The following NCKAP5 variants were observed in gnomAD, a reference collection of about 807,000 sequenced individuals.
The protein encoded by NCKAP5 is NCK associated protein 5, also known as nck-associated protein 5.
Under a neutral mutation model 167.0 loss-of-function variants are expected in NCKAP5, and 92 were observed. The observed-to-expected ratio is 0.55, with a 90% CI of 0.47 to 0.66. The LOEUF (loss-of-function observed/expected upper bound fraction) is 0.66, where lower values mean the gene tolerates loss of function less well. Among genes scored for constraint, NCKAP5 ranks in the 30% least tolerant of loss-of-function variants. The pLI is 0.00. For missense variants in NCKAP5, 2,378 were observed against 2,315.0 expected (o/e 1.03, Z -0.56); for synonymous variants, 891 against 877.4 (o/e 1.02, Z -0.27).
chr2:133,217,291 AGTGAACATGTCC>A (rs770131444), intron 4 of NCKAP5, among the ~76,000 whole-genome samples: 1 of 152,120 alleles, frequency 6.6e-6, no homozygotes, highest in Non-Finnish European at 1.5e-5. Context: ...ATAATCACAA[AGTGAACATGTCC>A]GTATTAGTCC....
At chr2:132,760,528 T>C (rs1680913606) in intron 16 of NCKAP5, among the ~76,000 whole-genome samples, 1 of 152,220 alleles carries the variant, frequency 6.6e-6, no homozygotes, top group Non-Finnish European at 1.5e-5. Flanking sequence ...CTATATTGGA[T>C]AATTCTCAGT....
chr2:132,812,209 C>T (rs996321293), intron 11 of NCKAP5, among the ~76,000 whole-genome samples: 1 of 152,192 alleles, frequency 6.6e-6, no homozygotes, highest in African/African-American at 2.4e-5. Flanking sequence ...TGCAGTTGAT[C>T]TGGAGCTAAA....
At chr2:133,472,777 T>C (rs1679460132) in intron 3 of NCKAP5, among the ~76,000 whole-genome samples, 1 of 152,166 alleles carries the variant, frequency 6.6e-6, no homozygotes, top group African/African-American at 2.4e-5. Context: ...GGCACCCCTA[T>C]CCACCAGATC....
At chr2:132,851,992 C>T (rs987230335) in intron 11 of NCKAP5, among the ~76,000 whole-genome samples, 1 of 152,218 alleles carries the variant, frequency 6.6e-6, no homozygotes, top group Non-Finnish European at 1.5e-5. Flanking sequence ...TAGCAATGGA[C>T]AGTCCATGAT....
chr2:132,678,527 T>C (rs1684793976), intron 19 of NCKAP5, among the ~76,000 whole-genome samples: 2 of 152,170 alleles, frequency 1.3e-5, no homozygotes, highest in African/African-American at 2.4e-5. Context: ...TCTATTGCTA[T>C]AGAGATTCAC....
At chr2:133,086,785 AC>A (rs1369046245) in intron 6 of NCKAP5, among the ~76,000 whole-genome samples, 1 of 152,228 alleles carries the variant, frequency 6.6e-6, no homozygotes, top group Admixed American at 6.5e-5. Flanking sequence ...AGCCTGGGAA[AC>A]AACTACTAAA....
intron 8 of NCKAP5, among the ~76,000 whole-genome samples, chr2:132,954,002 C>A (rs779365720): frequency 5.3e-4 from 80 of 152,170 alleles, no homozygotes; most frequent in Admixed American, 1.5e-3. Flanking sequence ...GAGGAACTAG[C>A]TCAAATGAAA....
intron 8 of NCKAP5, among the ~76,000 whole-genome samples, chr2:132,894,084 G>A (rs912715556): frequency 2.0e-5 from 3 of 152,170 alleles, no homozygotes; most frequent in South Asian, 2.1e-4. Flanking sequence ...GCAAAGGGAC[G>A]GGACCAAATG....
At chr2:133,247,629 A>T (rs111458231) in intron 4 of NCKAP5, among the ~76,000 whole-genome samples, 14 of 152,326 alleles carry the variant, frequency 9.2e-5, no homozygotes, top group South Asian at 4.1e-4. Context: ...AGACCCACTT[A>T]AAAATATGAA....
intron 3 of NCKAP5, among the ~76,000 whole-genome samples, chr2:133,407,829 G>A (rs567749580): frequency 3.3e-5 from 5 of 152,164 alleles, no homozygotes; most frequent in Non-Finnish European, 4.4e-5. Context: ...AAATATTTAC[G>A]AGTGGGCTTG....
At chr2:133,230,734 T>A (rs965863751) in intron 4 of NCKAP5, among the ~76,000 whole-genome samples, 3 of 152,190 alleles carry the variant, frequency 2.0e-5, no homozygotes, top group Non-Finnish European at 4.4e-5. Flanking sequence ...TTTCCCATTT[T>A]CCTCTTTTCC....
intron 3 of NCKAP5, among the ~76,000 whole-genome samples, chr2:133,327,152 G>C (rs1052863193): frequency 3.9e-5 from 6 of 152,186 alleles, no homozygotes; most frequent in Admixed American, 3.9e-4. Context: ...TTCTGGATGG[G>C]CAAACAGAGG....
At chr2:132,884,963 C>T (rs1299850796) in intron 8 of NCKAP5, among the ~76,000 whole-genome samples, 2 of 152,154 alleles carry the variant, frequency 1.3e-5, no homozygotes, top group Admixed American at 6.5e-5. Flanking sequence ...CTATTACTGC[C>T]AAGCAAATTA....
chr2:133,418,998 G>A (rs1689299812), intron 3 of NCKAP5, among the ~76,000 whole-genome samples: 1 of 152,096 alleles, frequency 6.6e-6, no homozygotes, highest in South Asian at 2.1e-4. Context: ...TCAGATAAAG[G>A]CTGAGAGGTT....
At chr2:133,017,540 T>A (rs891231812) in intron 6 of NCKAP5, among the ~76,000 whole-genome samples, 1 of 152,128 alleles carries the variant, frequency 6.6e-6, no homozygotes, top group Non-Finnish European at 1.5e-5. Context: ...TATTTTTGAA[T>A]GGAAACATGG....
At chr2:133,294,653 A>C (rs2150530170) in intron 4 of NCKAP5, among the ~76,000 whole-genome samples, 1 of 152,336 alleles carries the variant, frequency 6.6e-6, no homozygotes, top group South Asian at 2.1e-4. Flanking sequence ...ATTATGGAGA[A>C]CATGAATGAG....
intron 8 of NCKAP5, among the ~76,000 whole-genome samples, chr2:132,958,582 C>T (rs1195065612): frequency 6.6e-6 from 1 of 152,126 alleles, no homozygotes; most frequent in Non-Finnish European, 1.5e-5. Flanking sequence ...AGGTCTGGCC[C>T]TTGTCTACCT....
intron 7 of NCKAP5, among the ~76,000 whole-genome samples, chr2:132,973,113 C>T (rs552810617): frequency 6.6e-6 from 1 of 152,250 alleles, no homozygotes; most frequent in East Asian, 1.9e-4. Context: ...AAAGGCTTAA[C>T]CTCAACACGG....
chr2:133,491,416 T>C (rs1402537739), intron 3 of NCKAP5, among the ~76,000 whole-genome samples: 1 of 152,154 alleles, frequency 6.6e-6, no homozygotes, highest in Non-Finnish European at 1.5e-5. Flanking sequence ...ACCTGCCTCA[T>C]GGTAACAATG....
Sources: allele counts gnomAD v4.1 joint callset (sites outside exome capture counted in the v4.1 genomes callset), GRCh38; gene constraint gnomAD v4.1.1; transcripts MANE v1.5; gene names NCBI Gene and HGNC (gene_info 2026-07-23, HGNC 2026-07-21).